PHIP: variants seen among roughly 807,000 people sequenced by gnomAD.
The protein encoded by PHIP is PH-interacting protein.
In PHIP, 54 loss-of-function variants were observed where a neutral mutation model predicts 236.8. That is an observed-to-expected ratio of 0.23 (90% CI 0.18 to 0.29). PHIP has a LOEUF of 0.29. Ranked by LOEUF, PHIP falls within the 10% of genes least tolerant of loss-of-function variation. The probability of loss-of-function intolerance (pLI) is 1.00; values close to 1 mark genes in which losing one functional copy is unlikely to be tolerated. For missense variants in PHIP, 1,370 were observed against 2,190.8 expected (o/e 0.63, Z 7.48); for synonymous variants, 756 against 718.9 (o/e 1.05, Z -0.83).
At chr6:79,000,786 T>C (rs976887714) in intron 17 of PHIP, among the ~76,000 whole-genome samples, 11 of 152,110 alleles carry the variant, frequency 7.2e-5, no homozygotes, top group Non-Finnish European at 2.9e-5. Context: ...TCATGCTGTG[T>C]CCACGTACTG....
Position 78,939,569 on chromosome 6 carries a change from T to C in PHIP, c.*1124A>G, listed in dbSNP as rs1006610485. ...GAAAAAAGAATTTATACCTGGGTAA[T>C]AGTATATAAGTATGTGTTTGTATAT... On this transcript the variant is annotated 3_prime_UTR_variant, in exon 40 of 40. Transcript: ENST00000275034. 6.6e-5 allele frequency: 10 copies of C among 152,042 alleles called. No individual in the cohort carries two copies. The South Asian group carries it at 1.7e-3, about 25-fold the overall frequency. The allele number at this position is 152,042 out of a possible 1,614,324, so 9.4% of individuals were successfully genotyped here.
intron 29 of PHIP, among the ~76,000 whole-genome samples, chr6:78,963,811 A>G (rs1336770069): frequency 2.0e-5 from 3 of 152,224 alleles, no homozygotes; most frequent in Non-Finnish European, 4.4e-5. Flanking sequence ...CCCAAAATCT[A>G]GAAACGTGCT....
chr6:78,969,723 T>A (rs1306611350), intron 27 of PHIP, 112 bp downstream of exon 27: 1 of 549,788 alleles, frequency 1.8e-6, no homozygotes, highest in Admixed American at 3.7e-5. Flanking sequence ...TTCCTACAAA[T>A]AGCAAAAAGA....
intron 6 of PHIP, among the ~76,000 whole-genome samples, chr6:79,059,591 TTATATATATATATATATATA>T (rs72226338): frequency 2.4e-5 from 2 of 84,736 alleles, no homozygotes; most frequent in Non-Finnish European, 4.6e-5. Context: ...GAAAGCAAAA[TTATATATATATATATATATA>T]TATATATATA....
chr6:78,961,015 T>C (rs1210310601), intron 31 of PHIP, among the ~76,000 whole-genome samples: 3 of 152,150 alleles, frequency 2.0e-5, no homozygotes, highest in South Asian at 2.1e-4. Context: ...ATGATAAAAA[T>C]TAAAACTAAA....
intron 7 of PHIP, among the ~76,000 whole-genome samples, chr6:79,028,528 C>T (rs1488105009): frequency 6.6e-6 from 1 of 152,150 alleles, no homozygotes; most frequent in Non-Finnish European, 1.5e-5. Flanking sequence ...CTATGACTCC[C>T]AGAAAGCTGG....
intron 3 of PHIP, 76 bp from the exon 4 acceptor site, chr6:79,077,583 C>T (rs1774239581): frequency 1.1e-6 from 1 of 947,884 alleles, no homozygotes; most frequent in African/African-American, 1.8e-5. Flanking sequence ...CCGCCCCGCG[C>T]CCCGGCGGGG....
chr6:78,983,337 C>T (rs1428479245), intron 22 of PHIP, among the ~76,000 whole-genome samples: 1 of 152,062 alleles, frequency 6.6e-6, no homozygotes, highest in African/African-American at 2.4e-5. Flanking sequence ...CCTGAAGATA[C>T]ATAAAGTCAC....
intron 15 of PHIP, among the ~76,000 whole-genome samples, chr6:79,012,029 T>C (rs1161735866): frequency 6.6e-6 from 1 of 151,654 alleles, no homozygotes; most frequent in Non-Finnish European, 1.5e-5. Flanking sequence ...AGTTCACCTT[T>C]TCACTTGAAA....
intron 15 of PHIP, among the ~76,000 whole-genome samples, chr6:79,009,417 G>A (rs1770461071): frequency 6.6e-6 from 1 of 151,842 alleles, no homozygotes; most frequent in Non-Finnish European, 1.5e-5. Flanking sequence ...TCAACAAAAC[G>A]TCTCCAATCG....
chr6:78,940,552 T>TTTG lies in PHIP; in HGVS notation c.*140_*141insCAA, dbSNP rs1562108915. 1.2e-5 allele frequency: 2 copies of TTTG among 164,106 alleles called. No homozygotes were observed. Among genetic ancestry groups the TTTG allele is most frequent in the African/African-American group, 5.6e-5 (2 of 35,684 alleles). 10.2% of individuals were successfully genotyped at this position (164,106 alleles called of 1,614,324 possible). ...AGTGAAGTGTCTCGTAAGTTTGTTT[T>TTTG]TTTTTTTTTTTTTTTTTTTGCAAAT... On this transcript the variant is annotated 3_prime_UTR_variant, in exon 40 of 40. Transcript: ENST00000275034.
chr6:78,959,101 G>A (rs1323825184), intron 31 of PHIP, among the ~76,000 whole-genome samples: 1 of 152,046 alleles, frequency 6.6e-6, no homozygotes, highest in Non-Finnish European at 1.5e-5. Context: ...TAGCATGCTA[G>A]TTTACCAAGA....
chr6:78,987,337 T>C (rs1768932090), intron 21 of PHIP, among the ~76,000 whole-genome samples: 1 of 152,146 alleles, frequency 6.6e-6, no homozygotes, highest in Non-Finnish European at 1.5e-5. Flanking sequence ...TGTGTCAAAT[T>C]CATATAATCA....
At chr6:78,976,318 C>T (rs1181261269) in intron 24 of PHIP, among the ~76,000 whole-genome samples, 3 of 145,144 alleles carry the variant, frequency 2.1e-5, no homozygotes, top group Non-Finnish European at 4.6e-5. Context: ...AACTGGCTAG[C>T]CATATGTAGA....
chr6:79,020,966 G>A (rs1771088524), intron 9 of PHIP, among the ~76,000 whole-genome samples: 1 of 152,156 alleles, frequency 6.6e-6, no homozygotes, highest in Admixed American at 6.5e-5. Flanking sequence ...TTGTTTACTT[G>A]TTTAGGTTTA....
chr6:78,974,002 AACTC>A (rs1167728725), intron 24 of PHIP, among the ~76,000 whole-genome samples: 1 of 152,152 alleles, frequency 6.6e-6, no homozygotes, highest in Non-Finnish European at 1.5e-5. Context: ...CCAGGAATTG[AACTC>A]AGCTCTGCAC....
intron 33 of PHIP, 138 bp downstream of exon 33, chr6:78,955,475 C>A: frequency 3.6e-6 from 2 of 548,020 alleles, no homozygotes; most frequent in South Asian, 6.3e-5. Context: ...TATTCTACTG[C>A]CAGTTGTTTT....
intron 15 of PHIP, 90 bp from the exon 16 acceptor site, chr6:79,003,948 T>G: frequency 1.3e-6 from 1 of 783,296 alleles, no homozygotes; most frequent in South Asian, 2.3e-5. Context: ...GATAAAAGCA[T>G]ACATCCTAAT....
Position 78,934,809 on chromosome 6 carries a change from A to G in PHIP, c.*5884T>C, listed in dbSNP as rs908978419. Among the ~76,000 whole-genome samples the G allele has an allele frequency of 1.5e-4, 23 of 152,238 alleles. No individual in the cohort carries two copies. Among genetic ancestry groups the G allele is most frequent in the African/African-American group, 5.3e-4 (22 of 41,470 alleles). On this transcript the variant is annotated 3_prime_UTR_variant, in exon 40 of 40. Coordinates refer to ENST00000275034, the MANE Select transcript of PHIP (RefSeq NM_017934.7). ...TGCTGGGGTTCCTCTACTTCCTGTCAGGAATGAAGGTCAAATTCCCATTTC... is the reference window on the plus strand; with the variant it reads ...TGCTGGGGTTCCTCTACTTCCTGTCGGGAATGAAGGTCAAATTCCCATTTC...
Sources: allele counts gnomAD v4.1 joint callset (sites outside exome capture counted in the v4.1 genomes callset), GRCh38; gene constraint gnomAD v4.1.1; transcripts MANE v1.5; gene names NCBI Gene and HGNC (gene_info 2026-07-23, HGNC 2026-07-21).